The following GRIK1 variants were observed in gnomAD, a reference collection of about 807,000 sequenced individuals.
The protein encoded by GRIK1 is glutamate ionotropic receptor kainate type subunit 1.
In GRIK1, 69 loss-of-function variants were observed where a neutral mutation model predicts 105.7. That is an observed-to-expected ratio of 0.65 (90% CI 0.54 to 0.80). GRIK1 has a LOEUF of 0.80. Ranked by LOEUF, GRIK1 falls within the 30% of genes least tolerant of loss-of-function variation. GRIK1 has a pLI of 0.00. For synonymous variants in GRIK1, 438 were observed against 431.3 expected, an observed-to-expected ratio of 1.02 and a Z score of -0.19; for missense variants, 1,109 against 1,167.3, an observed-to-expected ratio of 0.95 and a Z score of 0.73.
intron 4 of GRIK1, among the ~76,000 whole-genome samples, chr21:29,661,963 A>G (rs577966134): frequency 1.6e-4 from 25 of 152,338 alleles, no homozygotes; most frequent in African/African-American, 5.8e-4. Flanking sequence ...ACTGTGCTAT[A>G]TGATGTATAA....
chr21:29,610,407 A>T (rs1405597370), intron 7 of GRIK1, among the ~76,000 whole-genome samples: 1 of 152,162 alleles, frequency 6.6e-6, no homozygotes, highest in East Asian at 1.9e-4. Flanking sequence ...GGGTCCTTAT[A>T]AAAGGGACCC....
intron 4 of GRIK1, among the ~76,000 whole-genome samples, chr21:29,657,207 G>A (rs1445089951): frequency 7.9e-5 from 12 of 152,144 alleles, no homozygotes; most frequent in Admixed American, 7.9e-4. Context: ...TGAATGCTAA[G>A]GTTTAAAATT....
chr21:29,654,773 CTACCATGTGGAA>C (rs2062815486), intron 5 of GRIK1, 25 bp downstream of exon 5: 2 of 1,209,064 alleles, frequency 1.7e-6, no homozygotes, highest in East Asian at 4.6e-5. Flanking sequence ...AAGACGTTTC[CTACCATGTGGAA>C]TACATTTCTC....
At chr21:29,812,157 A>C (rs1174923352) in intron 1 of GRIK1, among the ~76,000 whole-genome samples, 1 of 152,108 alleles carries the variant, frequency 6.6e-6, no homozygotes, top group Non-Finnish European at 1.5e-5. Flanking sequence ...AATTTTCCCA[A>C]TATAAAATAA....
chr21:29,831,995 G>A (rs765069113), intron 1 of GRIK1, among the ~76,000 whole-genome samples: 2 of 152,130 alleles, frequency 1.3e-5, no homozygotes, highest in Non-Finnish European at 2.9e-5. Context: ...ACAGGCATTG[G>A]GTATACACAC....
At chr21:29,570,273 C>T (rs777319346) in intron 14 of GRIK1, among the ~76,000 whole-genome samples, 2 of 151,952 alleles carry the variant, frequency 1.3e-5, no homozygotes, top group Admixed American at 6.6e-5. Context: ...GAGGCCGAAG[C>T]CGGTGGATTA....
At chr21:29,689,106 G>A (rs1487247364) in intron 3 of GRIK1, among the ~76,000 whole-genome samples, 2 of 151,956 alleles carry the variant, frequency 1.3e-5, no homozygotes, top group African/African-American at 4.8e-5. Flanking sequence ...AGAAAGCAGA[G>A]GGGGGTGGTG....
intron 1 of GRIK1, among the ~76,000 whole-genome samples, chr21:29,797,142 A>G (rs907447341): frequency 2.0e-5 from 3 of 152,216 alleles, no homozygotes; most frequent in African/African-American, 7.2e-5. Flanking sequence ...TGCAAAAAAA[A>G]GAGGAATGAA....
chr21:29,632,225 C>T (rs917045865), intron 7 of GRIK1, among the ~76,000 whole-genome samples: 2 of 152,042 alleles, frequency 1.3e-5, no homozygotes, highest in Non-Finnish European at 2.9e-5. Context: ...CTTCCCTCTT[C>T]TGAGCTTTGT....
chr21:29,663,610 G>C (rs537448400), intron 4 of GRIK1, among the ~76,000 whole-genome samples: 1 of 152,300 alleles, frequency 6.6e-6, no homozygotes, highest in African/African-American at 2.4e-5. Flanking sequence ...AATGGAGTAA[G>C]AAAGGATAGT....
chr21:29,561,556 C>T, intron 15 of GRIK1, 68 bp downstream of exon 15: 2 of 998,906 alleles, frequency 2.0e-6, no homozygotes, highest in Middle Eastern at 2.2e-4. Context: ...GAACTCTGAG[C>T]CCATTGCCTT....
Position 29,690,089 on chromosome 21 carries a change from T to G in GRIK1, c.287-104A>C, listed in dbSNP as rs551105179. On this transcript the variant is annotated intron_variant, in intron 2 of 17. Transcript: ENST00000327783. ...ATTTTTTCTTTCATGATTCCTCTTT[T>G]TAATGCAACTATTGAAAAATCTTTT... 17 of 871,762 alleles carry G rather than the reference T, an allele frequency of 2.0e-5. No individual in the cohort carries two copies. The African/African-American group carries it at 2.5e-4, about 13-fold the overall frequency. 54.0% of individuals were successfully genotyped at this position (871,762 alleles called of 1,614,324 possible).
chr21:29,893,783 T>C (rs2070000246), intron 1 of GRIK1, among the ~76,000 whole-genome samples: 1 of 152,090 alleles, frequency 6.6e-6, no homozygotes, highest in Non-Finnish European at 1.5e-5. Flanking sequence ...TACAATTCAG[T>C]GTGATAAGTA....
At chr21:29,773,687 T>A (rs2065870248) in intron 1 of GRIK1, among the ~76,000 whole-genome samples, 1 of 152,064 alleles carries the variant, frequency 6.6e-6, no homozygotes, top group Non-Finnish European at 1.5e-5. Context: ...GATAAAAATG[T>A]GTACAGCATA....
At chr21:29,848,421 T>C (rs190549421) in intron 1 of GRIK1, among the ~76,000 whole-genome samples, 1 of 152,298 alleles carries the variant, frequency 6.6e-6, no homozygotes, top group African/African-American at 2.4e-5. Context: ...AACAATTCAA[T>C]TGCCTAGTGC....
At chr21:29,868,321 G>C (rs2068897060) in intron 1 of GRIK1, among the ~76,000 whole-genome samples, 1 of 151,944 alleles carries the variant, frequency 6.6e-6, no homozygotes. Context: ...TTTTTGTTTT[G>C]CTGTATTTTA....
intron 1 of GRIK1, among the ~76,000 whole-genome samples, chr21:29,832,655 C>T (rs541897141): frequency 2.1e-4 from 32 of 152,222 alleles, no homozygotes; most frequent in African/African-American, 6.0e-4. Context: ...CAGGGAACAG[C>T]GTTGTGAGGT....
At chr21:29,799,827 C>T (rs772578486) in intron 1 of GRIK1, among the ~76,000 whole-genome samples, 21 of 152,130 alleles carry the variant, frequency 1.4e-4, no homozygotes, top group Non-Finnish European at 2.5e-4. Flanking sequence ...ACCCACAGTG[C>T]CCAGCCAGTT....
At chr21:29,805,459 A>G (rs2066839179) in intron 1 of GRIK1, among the ~76,000 whole-genome samples, 1 of 152,140 alleles carries the variant, frequency 6.6e-6, no homozygotes, top group South Asian at 2.1e-4. Flanking sequence ...AATCTCCTTT[A>G]GGGGTTAAGC....
Sources: allele counts gnomAD v4.1 joint callset (sites outside exome capture counted in the v4.1 genomes callset), GRCh38; gene constraint gnomAD v4.1.1; transcripts MANE v1.5; gene names NCBI Gene and HGNC (gene_info 2026-07-23, HGNC 2026-07-21).